Variants in DOCK2 observed in about 807,000 individuals in gnomAD.
DOCK2 encodes the protein dedicator of cytokinesis protein 2.
Under a neutral mutation model 248.9 loss-of-function variants are expected in DOCK2, and 87 were observed. The ratio of observed to expected loss-of-function variants is 0.35; its 90% CI spans 0.29 to 0.42. The LOEUF is 0.42. Among genes scored for constraint, DOCK2 ranks in the 10% least tolerant of loss-of-function variants. DOCK2 has a pLI of 1.00. For synonymous variants in DOCK2, 805 were observed against 821.6 expected (o/e 0.98, Z 0.35); for missense variants, 1,747 against 2,300.2 (o/e 0.76, Z 4.92).
chr5:169,902,275 C>A (rs555476014), intron 27 of DOCK2, among the ~76,000 whole-genome samples: 1 of 152,342 alleles, frequency 6.6e-6, no homozygotes, highest in East Asian at 1.9e-4. Flanking sequence ...ACAATGATAA[C>A]CAGCATCACT....
chr5:169,735,404 TC>T (rs1762986413), intron 22 of DOCK2, among the ~76,000 whole-genome samples: 2 of 152,180 alleles, frequency 1.3e-5, no homozygotes, highest in Non-Finnish European at 2.9e-5. Flanking sequence ...GAACTGCTCT[TC>T]CCTCTCCTTC....
intron 27 of DOCK2, among the ~76,000 whole-genome samples, chr5:169,977,553 A>G (rs1375979797): frequency 6.6e-6 from 1 of 152,238 alleles, no homozygotes; most frequent in Non-Finnish European, 1.5e-5. Context: ...GCTGAGGCAC[A>G]AGACCCTGCT....
At chr5:169,952,630 A>G (rs1167605429) in intron 27 of DOCK2, among the ~76,000 whole-genome samples, 5 of 152,160 alleles carry the variant, frequency 3.3e-5, no homozygotes, top group Admixed American at 3.3e-4. Flanking sequence ...ATCCCTGCTA[A>G]GAGCTCTGGA....
At chr5:169,793,784 G>A (rs1181749892) in intron 25 of DOCK2, among the ~76,000 whole-genome samples, 2 of 152,054 alleles carry the variant, frequency 1.3e-5, no homozygotes, top group East Asian at 3.9e-4. Context: ...CTGCAATCCA[G>A]CCACATTTGT....
chr5:169,730,169 C>T (rs1762694896), intron 22 of DOCK2, among the ~76,000 whole-genome samples: 1 of 152,134 alleles, frequency 6.6e-6, no homozygotes, highest in African/African-American at 2.4e-5. Context: ...GTTGACCAGG[C>T]TGGTCTTGAA....
intron 32 of DOCK2, among the ~76,000 whole-genome samples, chr5:170,016,680 A>G (rs1171116158): frequency 9.9e-5 from 15 of 152,228 alleles, no homozygotes; most frequent in Admixed American, 9.8e-4. Context: ...TATCCTTATC[A>G]TGCCCAATGC....
At chr5:169,934,564 T>C in intron 27 of DOCK2, 1 of 449,916 alleles carries the variant, frequency 2.2e-6, no homozygotes, top group Non-Finnish European at 4.5e-6. Context: ...CACACACACC[T>C]GGATCTAAAT....
intron 27 of DOCK2, among the ~76,000 whole-genome samples, chr5:169,889,971 G>A (rs1487599652): frequency 2.0e-5 from 3 of 151,726 alleles, no homozygotes; most frequent in African/African-American, 7.3e-5. Context: ...AACCTTTACT[G>A]TTTACACCAC....
At chr5:169,837,983 A>T (rs1026619768) in intron 26 of DOCK2, among the ~76,000 whole-genome samples, 8 of 126,284 alleles carry the variant, frequency 6.3e-5, no homozygotes, top group Non-Finnish European at 1.3e-4. Flanking sequence ...AAGGGAAGAG[A>T]TGTAATCCTG....
intron 23 of DOCK2, among the ~76,000 whole-genome samples, chr5:169,750,195 T>G (rs1049735275): frequency 2.0e-5 from 3 of 152,140 alleles, no homozygotes; most frequent in Non-Finnish European, 4.4e-5. Flanking sequence ...GAAGAGGGAA[T>G]AGGTAATTTT....
chr5:169,669,617 G>A (rs1463771869), intron 3 of DOCK2, among the ~76,000 whole-genome samples: 45 of 152,058 alleles, frequency 3.0e-4, no homozygotes, highest in Admixed American at 2.6e-3. Flanking sequence ...GGAATTGTGC[G>A]TTATAAATTT....
chr5:169,694,236 C>T (rs1760473030), intron 9 of DOCK2, among the ~76,000 whole-genome samples: 2 of 152,204 alleles, frequency 1.3e-5, no homozygotes, highest in Admixed American at 6.5e-5. Context: ...AGTGCATATG[C>T]CCATATGAGA....
At chr5:169,984,329 G>T (rs567484865) in intron 28 of DOCK2, among the ~76,000 whole-genome samples, 1 of 152,076 alleles carries the variant, frequency 6.6e-6, no homozygotes, top group Non-Finnish European at 1.5e-5. Context: ...CCACACTTCC[G>T]CAGGTGACAT....
chr5:169,750,472 G>A (rs1426754145), intron 23 of DOCK2, among the ~76,000 whole-genome samples: 1 of 152,160 alleles, frequency 6.6e-6, no homozygotes, highest in Non-Finnish European at 1.5e-5. Context: ...CATTGTGTGG[G>A]TGAGGATCAA....
At chr5:169,953,152 T>A (rs1470120576) in intron 27 of DOCK2, among the ~76,000 whole-genome samples, 1 of 152,048 alleles carries the variant, frequency 6.6e-6, no homozygotes, top group Non-Finnish European at 1.5e-5. Context: ...CGAAACCCTG[T>A]CTCTACTAAA....
intron 25 of DOCK2, among the ~76,000 whole-genome samples, chr5:169,802,359 G>T (rs538209346): frequency 6.6e-6 from 1 of 152,198 alleles, no homozygotes; most frequent in East Asian, 1.9e-4. Flanking sequence ...ACAGGTTTTC[G>T]CCACGTTGGC....
At chr5:169,797,095 A>G (rs1176171694) in intron 25 of DOCK2, among the ~76,000 whole-genome samples, 1 of 152,240 alleles carries the variant, frequency 6.6e-6, no homozygotes, top group South Asian at 2.1e-4. Flanking sequence ...ACATAACTTC[A>G]TGATGGATTA....
At chr5:169,946,778 A>G (rs1464541028) in intron 27 of DOCK2, among the ~76,000 whole-genome samples, 4 of 152,354 alleles carry the variant, frequency 2.6e-5, no homozygotes, top group Middle Eastern at 6.8e-3. Context: ...GGATCCTGTC[A>G]TTGAGAGTGA....
intron 27 of DOCK2, among the ~76,000 whole-genome samples, chr5:169,960,446 A>T (rs1321768963): frequency 6.6e-6 from 1 of 152,196 alleles, no homozygotes; most frequent in South Asian, 2.1e-4. Context: ...CATTCATCTC[A>T]CATCTTTTGG....
Sources: gnomAD v4.1 joint callset for allele counts (sites outside exome capture counted in the v4.1 genomes callset) on GRCh38, gnomAD v4.1.1 for gene constraint, MANE v1.5 for transcripts, NCBI Gene and HGNC (gene_info 2026-07-23, HGNC 2026-07-21) for gene names.